Variants in MAPRE2 observed in about 807,000 individuals in gnomAD.
MAPRE2 encodes microtubule associated protein RP/EB family member 2, also known as microtubule-associated protein RP/EB family member 2.
Under a neutral mutation model 43.2 loss-of-function variants are expected in MAPRE2, and 13 were observed. The observed-to-expected ratio is 0.30, with a 90% confidence interval of 0.20 to 0.48. The LOEUF (loss-of-function observed/expected upper bound fraction) is 0.48, where lower values mean the gene tolerates loss of function less well. MAPRE2 is among the 20% of genes least tolerant of loss of function. MAPRE2 has a pLI of 0.99. For missense variants in MAPRE2, 161 were observed against 400.2 expected (o/e 0.40, Z 5.10); for synonymous variants, 135 against 148.8 (o/e 0.91, Z 0.68).
intron 4 of MAPRE2, among the ~76,000 whole-genome samples, chr18:35,111,984 C>G (rs1350557086): frequency 1.3e-5 from 2 of 152,174 alleles, no homozygotes; most frequent in Admixed American, 1.3e-4. Flanking sequence ...TCCCCAGTCA[C>G]TTATCCACAT....
At chr18:35,100,611 C>T (rs1249943286) in intron 3 of MAPRE2, among the ~76,000 whole-genome samples, 5 of 152,272 alleles carry the variant, frequency 3.3e-5, no homozygotes, top group African/African-American at 1.2e-4. Flanking sequence ...GACACATATA[C>T]ACCATGGAAT....
intron 4 of MAPRE2, among the ~76,000 whole-genome samples, chr18:35,123,192 A>C (rs966944239): frequency 6.6e-6 from 1 of 152,068 alleles, no homozygotes; most frequent in East Asian, 1.9e-4. Context: ...CATCTTATCA[A>C]ACATTTCAGT....
intron 1 of MAPRE2, among the ~76,000 whole-genome samples, chr18:35,065,595 C>A (rs2150619135): frequency 6.6e-6 from 1 of 151,804 alleles, no homozygotes; most frequent in African/African-American, 2.4e-5. Context: ...TCACTGTCAC[C>A]CAGGCTGGAG....
intron 2 of MAPRE2, among the ~76,000 whole-genome samples, chr18:35,022,437 A>T (rs1488430918): frequency 6.6e-6 from 1 of 152,188 alleles, no homozygotes; most frequent in East Asian, 1.9e-4. Context: ...GTCAATAAAA[A>T]AGTAGTTAAA....
At chr18:34,984,714 T>C (rs1383924313) in intron 1 of MAPRE2, among the ~76,000 whole-genome samples, 5 of 145,742 alleles carry the variant, frequency 3.4e-5, no homozygotes, top group Non-Finnish European at 7.4e-5. Context: ...TCCTTTATCA[T>C]AATCTACATT....
At chr18:35,121,187 G>A (rs1219571296) in intron 4 of MAPRE2, among the ~76,000 whole-genome samples, 1 of 152,130 alleles carries the variant, frequency 6.6e-6, no homozygotes, top group African/African-American at 2.4e-5. Flanking sequence ...TGAATCCATT[G>A]GGCCTCATAT....
upstream of MAPRE2, among the ~76,000 whole-genome samples, chr18:35,040,660 T>C (rs1354406549): frequency 6.6e-6 from 1 of 152,220 alleles, no homozygotes; most frequent in Non-Finnish European, 1.5e-5. Context: ...ATAGAATAAA[T>C]GTCAATGAAT....
intron 1 of MAPRE2, among the ~76,000 whole-genome samples, chr18:35,057,976 A>G (rs1042178686): frequency 2.0e-5 from 3 of 152,226 alleles, no homozygotes; most frequent in Non-Finnish European, 4.4e-5. Flanking sequence ...AAAGTGCAGG[A>G]GAGAACCTGT....
chr18:35,028,137 T>G (rs2097046210), intron 2 of MAPRE2, among the ~76,000 whole-genome samples: 1 of 152,224 alleles, frequency 6.6e-6, no homozygotes, highest in South Asian at 2.1e-4. Flanking sequence ...CGGCATCATT[T>G]CTACCAAAAT....
At chr18:35,090,465 C>T (rs900397370) in intron 2 of MAPRE2, among the ~76,000 whole-genome samples, 2 of 152,096 alleles carry the variant, frequency 1.3e-5, no homozygotes, top group Admixed American at 1.3e-4. Context: ...GGCATGGTGG[C>T]TCACGCGTGT....
At chr18:35,140,243 G>A in intron 6 of MAPRE2, 52 bp from the exon 7 acceptor site, 1 of 1,513,308 alleles carries the variant, frequency 6.6e-7, no homozygotes, top group Admixed American at 1.7e-5. Flanking sequence ...GGATGCTGCA[G>A]GGCCCCATTC....
intron 1 of MAPRE2, among the ~76,000 whole-genome samples, chr18:35,055,563 GTA>G (rs55678781): frequency 0.011 from 1,424 of 124,970 alleles, 21 homozygotes; most frequent in African/African-American, 0.044. Flanking sequence ...GTGTGTGTGT[GTA>G]TGTGTGTGTG....
At chr18:35,042,574 A>C (rs1277420171) in intron 1 of MAPRE2, among the ~76,000 whole-genome samples, 1 of 152,246 alleles carries the variant, frequency 6.6e-6, no homozygotes, top group Non-Finnish European at 1.5e-5. Context: ...TGGAGAATGC[A>C]GCTAGAGTCT....
At chr18:35,126,455 G>A (rs903065600) in intron 4 of MAPRE2, among the ~76,000 whole-genome samples, 2 of 152,200 alleles carry the variant, frequency 1.3e-5, no homozygotes, top group Non-Finnish European at 2.9e-5. Flanking sequence ...CCACTGCTAT[G>A]GAGATGTCAT....
chr18:35,073,459 A>G (rs1907205114), intron 2 of MAPRE2, among the ~76,000 whole-genome samples: 1 of 152,140 alleles, frequency 6.6e-6, no homozygotes, highest in Non-Finnish European at 1.5e-5. Context: ...TATTTTCTTC[A>G]ATGTTTATTT....
At position 35,005,394 on chromosome 18, in the gene MAPRE2, T is replaced by A. The variant is rs1033443014; in HGVS notation, c.-69-98T>A. The stretch of plus-strand genomic sequence containing the variant: ...TTTTTTCTTTAATTTTTTCCATTGC[T>A]GGCCACACCCACTAAACTAAATTAT... On this transcript the variant is annotated intron_variant, in intron 1 of 7. Coordinates refer to the MAPRE2 transcript ENST00000413393. 155 of 641,168 alleles carry A rather than the reference T, an allele frequency of 2.4e-4. 1 individual carries two copies. Among genetic ancestry groups the A allele is most frequent in the Non-Finnish European group, 2.4e-4 (91 of 379,110 alleles). 39.7% of individuals were successfully genotyped at this position (641,168 alleles called of 1,614,324 possible).
intron 4 of MAPRE2, among the ~76,000 whole-genome samples, chr18:35,104,915 G>A (rs560691265): frequency 1.3e-5 from 2 of 152,180 alleles, no homozygotes; most frequent in African/African-American, 4.8e-5. Flanking sequence ...TGGATAGCTT[G>A]GACTCGAAAC....
chr18:35,131,034 C>A (rs937602961), intron 5 of MAPRE2, among the ~76,000 whole-genome samples: 1 of 152,154 alleles, frequency 6.6e-6, no homozygotes, highest in Non-Finnish European at 1.5e-5. Flanking sequence ...CCTTCCTTGC[C>A]CTCCTGCCTT....
At chr18:35,021,891 C>T (rs921153474) in intron 2 of MAPRE2, among the ~76,000 whole-genome samples, 6 of 152,032 alleles carry the variant, frequency 3.9e-5, no homozygotes, top group African/African-American at 1.4e-4. Context: ...AAACCCAAAC[C>T]TAGGTCCACC....
Sources: gnomAD v4.1 joint callset for allele counts (sites outside exome capture counted in the v4.1 genomes callset) on GRCh38, gnomAD v4.1.1 for gene constraint, MANE v1.5 for transcripts, NCBI Gene and HGNC (gene_info 2026-07-23, HGNC 2026-07-21) for gene names.